EPHA3: variants seen among roughly 807,000 people sequenced by gnomAD.
EPHA3 encodes the protein ephrin type-A receptor 3.
A neutral mutation model predicts 107.1 loss-of-function variants in EPHA3; 42 were observed. The ratio of observed to expected loss-of-function variants is 0.39; its 90% CI spans 0.31 to 0.51. EPHA3 has a LOEUF of 0.51. Among genes scored for constraint, EPHA3 ranks in the 20% least tolerant of loss-of-function variants. EPHA3 has a pLI of 0.78. For synonymous variants in EPHA3, 461 were observed against 424.8 expected (o/e 1.09, Z -1.05); for missense variants, 1,183 against 1,211.2 (o/e 0.98, Z 0.35).
At chr3:89,438,318 A>T (rs1378356699) in intron 13 of EPHA3, among the ~76,000 whole-genome samples, 2 of 151,756 alleles carry the variant, frequency 1.3e-5, no homozygotes, top group Non-Finnish European at 2.9e-5. Flanking sequence ...TCACCATGTT[A>T]GCCAGGATGG....
At chr3:89,115,262 A>G (rs1363476399) in intron 1 of EPHA3, among the ~76,000 whole-genome samples, 1 of 150,278 alleles carries the variant, frequency 6.7e-6, no homozygotes, top group African/African-American at 2.5e-5. Flanking sequence ...TTTTTTTTAG[A>G]AAAATTTTCT....
In EPHA3 at chr3:89,355,655, G is replaced by C. The variant is rs1333213447; in HGVS notation, c.1306+13565G>C. ...TCCTTTTTGATTATTGGTACAGTAA[G>C]TCCTACACATAGATTGTTGTGAGGA... On this transcript the variant is annotated intron_variant, in intron 5 of 16. Coordinates refer to ENST00000336596, the MANE Select transcript of EPHA3 (RefSeq NM_005233.6). 2.7e-5 allele frequency among the ~76,000 whole-genome samples: 4 copies of C among 150,818 alleles called. No individual in the cohort carries two copies. The South Asian group carries it at 8.3e-4, about 31-fold the overall frequency.
intron 1 of EPHA3, among the ~76,000 whole-genome samples, chr3:89,111,088 T>G (rs1707094983): frequency 1.3e-5 from 2 of 151,986 alleles, no homozygotes. Context: ...TAAAGACTTT[T>G]TTTAGTAGCT....
intron 1 of EPHA3, among the ~76,000 whole-genome samples, chr3:89,116,740 A>T (rs1233487178): frequency 2.1e-5 from 3 of 143,054 alleles, no homozygotes; most frequent in African/African-American, 7.7e-5. Context: ...AAAAAAAAAA[A>T]ACTAATGTGG....
At chr3:89,142,043 CTTT>C (rs932881517) in intron 2 of EPHA3, among the ~76,000 whole-genome samples, 1 of 151,154 alleles carries the variant, frequency 6.6e-6, no homozygotes, top group African/African-American at 2.4e-5. Context: ...AAAAATAAAA[CTTT>C]TTTCTAAATA....
At chr3:89,246,497 A>G (rs1705037604) in intron 3 of EPHA3, among the ~76,000 whole-genome samples, 1 of 152,004 alleles carries the variant, frequency 6.6e-6, no homozygotes, top group African/African-American at 2.4e-5. Flanking sequence ...AGGATCCTCT[A>G]CTGAATAGGT....
At chr3:89,127,987 T>C (rs1704127753) in intron 2 of EPHA3, among the ~76,000 whole-genome samples, 1 of 152,124 alleles carries the variant, frequency 6.6e-6, no homozygotes, top group African/African-American at 2.4e-5. Flanking sequence ...CTCAAACTCT[T>C]TTCCCTACAC....
rs115304631 is a variant in EPHA3, at chr3:89,421,581, C to T, written c.2074+2191C>T. Among the ~76,000 whole-genome samples, 1,428 of 151,342 alleles carry T rather than the reference C, an allele frequency of 9.4e-3. 25 individuals are homozygous for T. Among genetic ancestry groups the T allele is most frequent in the African/African-American group, 0.033 (1,364 of 41,446 alleles). On this transcript the variant is annotated intron_variant, in intron 11 of 16. Transcript: ENST00000336596. ...AAAAATGAGCTAAGAGTCACTATCACACAAATATTAGGTTCTAATTTAAGC... is the reference window on the plus strand; with the variant it reads ...AAAAATGAGCTAAGAGTCACTATCATACAAATATTAGGTTCTAATTTAAGC...
chr3:89,144,087 T>G (rs1054380792), intron 2 of EPHA3, among the ~76,000 whole-genome samples: 1 of 151,672 alleles, frequency 6.6e-6, no homozygotes, highest in Non-Finnish European at 1.5e-5. Context: ...TTATTTTAAC[T>G]TAAGTACGTA....
intron 5 of EPHA3, among the ~76,000 whole-genome samples, chr3:89,372,066 A>G (rs1349720248): frequency 6.6e-6 from 1 of 151,608 alleles, no homozygotes; most frequent in African/African-American, 2.4e-5. Flanking sequence ...ATGTCACCAC[A>G]AGTTTAAGTT....
intron 7 of EPHA3, among the ~76,000 whole-genome samples, chr3:89,402,255 C>T (rs2107511954): frequency 6.6e-6 from 1 of 152,262 alleles, no homozygotes; most frequent in Non-Finnish European, 1.5e-5. Flanking sequence ...TCGAAAACTG[C>T]AGGGCCTTAG....
At chr3:89,257,408 TC>T (rs2107273776) in intron 3 of EPHA3, among the ~76,000 whole-genome samples, 2 of 152,244 alleles carry the variant, frequency 1.3e-5, no homozygotes, top group South Asian at 4.1e-4. Context: ...CTTTTCCTTA[TC>T]CCACTCCCTT....
intron 5 of EPHA3, among the ~76,000 whole-genome samples, chr3:89,392,164 G>A (rs75283421): frequency 2.4e-3 from 372 of 152,278 alleles, no homozygotes; most frequent in Non-Finnish European, 4.5e-3. Flanking sequence ...ATCCGGAGGG[G>A]CGCAGTGGCT....
intron 2 of EPHA3, among the ~76,000 whole-genome samples, chr3:89,134,222 T>A (rs142218983): frequency 0.16 from 18,644 of 120,014 alleles, 1,140 homozygotes; most frequent in African/African-American, 0.18. Context: ...TTTTTTTTTT[T>A]TTAAAAAAAT....
chr3:89,142,609 C>A (rs1704455031), intron 2 of EPHA3, among the ~76,000 whole-genome samples: 1 of 151,400 alleles, frequency 6.6e-6, no homozygotes, highest in South Asian at 2.1e-4. Context: ...TATTAACGTG[C>A]TTTTAGAGTA....
intron 3 of EPHA3, among the ~76,000 whole-genome samples, chr3:89,248,430 C>T (rs1705086397): frequency 6.6e-6 from 1 of 152,154 alleles, no homozygotes; most frequent in Admixed American, 6.6e-5. Flanking sequence ...CTATTTTCTC[C>T]AGTTGAAGAC....
intron 3 of EPHA3, among the ~76,000 whole-genome samples, chr3:89,224,193 C>T (rs1023833578): frequency 6.6e-6 from 1 of 151,974 alleles, no homozygotes; most frequent in African/African-American, 2.4e-5. Context: ...AGATTTATAG[C>T]ATCTCTCCTA....
intron 3 of EPHA3, among the ~76,000 whole-genome samples, chr3:89,245,479 A>C (rs1055643328): frequency 6.6e-6 from 1 of 152,210 alleles, no homozygotes; most frequent in Non-Finnish European, 1.5e-5. Flanking sequence ...TATTATAAAC[A>C]TGAAAAACAA....
At chr3:89,293,862 C>T (rs906124935) in intron 3 of EPHA3, among the ~76,000 whole-genome samples, 8 of 152,024 alleles carry the variant, frequency 5.3e-5, no homozygotes, top group African/African-American at 9.7e-5. Context: ...AGACTAATAC[C>T]GTCTGCCTCA....
Sources: gnomAD v4.1 joint callset for allele counts (sites outside exome capture counted in the v4.1 genomes callset) on GRCh38, gnomAD v4.1.1 for gene constraint, MANE v1.5 for transcripts, NCBI Gene and HGNC (gene_info 2026-07-23, HGNC 2026-07-21) for gene names.